The following RAB27B variants were observed in gnomAD, a reference collection of about 807,000 sequenced individuals.
The protein encoded by RAB27B is ras-related protein Rab-27B.
RAB27B carries 15 observed loss-of-function variants against 24.6 expected under a neutral mutation model. That is an observed-to-expected ratio of 0.61 (90% confidence interval 0.41 to 0.94). The LOEUF (loss-of-function observed/expected upper bound fraction) is 0.94, where lower values mean the gene tolerates loss of function less well. Among genes scored for constraint, RAB27B ranks in the 40% least tolerant of loss-of-function variants. The pLI is 0.00. For synonymous variants in RAB27B, 105 were observed against 92.5 expected (o/e 1.14, Z -0.78); for missense variants, 261 against 266.8 (o/e 0.98, Z 0.15).
intron 2 of RAB27B, among the ~76,000 whole-genome samples, chr18:54,771,190 A>G (rs914271517): frequency 8.5e-5 from 13 of 152,220 alleles, no homozygotes; most frequent in African/African-American, 2.4e-4. Context: ...AGGCACTGAA[A>G]GAAGAGTCAT....
At chr18:54,797,739 G>A (rs1231823004) in intron 2 of RAB27B, among the ~76,000 whole-genome samples, 2 of 152,118 alleles carry the variant, frequency 1.3e-5, no homozygotes, top group South Asian at 2.1e-4. Flanking sequence ...CAATAGACTC[G>A]TCTCGGGAGT....
rs73960613 is a variant in RAB27B at position 54,768,297 on chromosome 18, T to C, written c.-20+50156T>C. Among the ~76,000 whole-genome samples, 336 of 152,252 alleles carry C rather than the reference T, an allele frequency of 2.2e-3. 1 individual carries two copies. The highest frequency in any genetic ancestry group is 7.9e-3 in the African/African-American group (329 of 41,558). ...AAGGTGTTTGTAAAATGTAGCGATA[T>C]GTGGCTTGTGGCTGGAAGCAGCAAT... On this transcript the variant is annotated intron_variant, in intron 2 of 4. Coordinates refer to the RAB27B transcript ENST00000586570.
intron 2 of RAB27B, among the ~76,000 whole-genome samples, chr18:54,738,093 C>T (rs775769190): frequency 6.6e-6 from 1 of 152,100 alleles, no homozygotes; most frequent in Non-Finnish European, 1.5e-5. Flanking sequence ...GAGAGAAGAG[C>T]CTACGTATTA....
intron 2 of RAB27B, among the ~76,000 whole-genome samples, chr18:54,756,420 C>T (rs1380581102): frequency 2.0e-5 from 3 of 152,146 alleles, no homozygotes; most frequent in Admixed American, 6.5e-5. Context: ...ACTATAGGTT[C>T]GATTCTTCCT....
chr18:54,819,588 GTTTATTTATTT>G lies in RAB27B; in HGVS notation c.-19-57960_-19-57950del, dbSNP rs200600697. 5.3e-3 allele frequency among the ~76,000 whole-genome samples: 791 copies of G among 149,528 alleles called. 8 individuals are homozygous for G. The highest frequency in any genetic ancestry group is 0.018 in the African/African-American group (742 of 40,900). On this transcript the variant is annotated intron_variant, in intron 2 of 4. Coordinates refer to the RAB27B transcript ENST00000586570. ...AGATCATGTTCCACATAATTATAAG[GTTTATTTATTT>G]TTTATTTATTTTTTATTTTTATTAT...
chr18:54,889,997 C>A lies in RAB27B; in HGVS notation c.*584C>A, dbSNP rs1419669414. ...AGGTTACAAATAGGTAAATGTCACA[C>A]TTCTGTTAAAATGCAGGAGGTAGTG... On this transcript the variant is annotated 3_prime_UTR_variant, in exon 6 of 6. Coordinates refer to ENST00000262094, the MANE Select transcript of RAB27B (RefSeq NM_004163.4). 1 of 152,100 alleles carries A rather than the reference C, an allele frequency of 6.6e-6. No homozygotes were observed. 9.4% of individuals were successfully genotyped at this position (152,100 alleles called of 1,614,324 possible). A position where few individuals can be genotyped will look rare whatever the true frequency, so the allele number is the denominator to read the frequency against.
At chr18:54,781,388 G>A (rs900069207) in intron 2 of RAB27B, among the ~76,000 whole-genome samples, 8 of 151,786 alleles carry the variant, frequency 5.3e-5, no homozygotes, top group African/African-American at 1.7e-4. Flanking sequence ...TTTCATTCTC[G>A]GCAGGCCCCT....
At chr18:54,795,094 G>T (rs1196363734) in intron 2 of RAB27B, among the ~76,000 whole-genome samples, 1 of 152,146 alleles carries the variant, frequency 6.6e-6, no homozygotes, top group Non-Finnish European at 1.5e-5. Flanking sequence ...GCTTTAGAGT[G>T]ATTTTTTAAA....
intron 1 of RAB27B, among the ~76,000 whole-genome samples, chr18:54,860,242 G>A (rs892998749): frequency 2.0e-5 from 3 of 152,132 alleles, no homozygotes; most frequent in Admixed American, 6.5e-5. Context: ...TTTTCCTGTA[G>A]TTGGTAAATG....
At chr18:54,758,417 A>T (rs986494564) in intron 2 of RAB27B, among the ~76,000 whole-genome samples, 2 of 152,206 alleles carry the variant, frequency 1.3e-5, no homozygotes, top group African/African-American at 4.8e-5. Flanking sequence ...TTAAACTAGC[A>T]TCCAAATAAA....
At chr18:54,750,722 G>A (rs2145031228) in intron 2 of RAB27B, among the ~76,000 whole-genome samples, 1 of 152,236 alleles carries the variant, frequency 6.6e-6, no homozygotes, top group East Asian at 1.9e-4. Flanking sequence ...AGGTTATAGA[G>A]AAGAATGATT....
At chr18:54,840,926 A>G (rs1911082985) in intron 1 of RAB27B, among the ~76,000 whole-genome samples, 2 of 152,078 alleles carry the variant, frequency 1.3e-5, no homozygotes, top group African/African-American at 4.8e-5. Flanking sequence ...AGGCAGGCGG[A>G]TCATGAGGTC....
At chr18:54,718,986 G>C (rs1909277253) in intron 2 of RAB27B, among the ~76,000 whole-genome samples, 1 of 152,182 alleles carries the variant, frequency 6.6e-6, no homozygotes, top group Non-Finnish European at 1.5e-5. Context: ...TAATAGGCAA[G>C]TGTATTCATA....
chr18:54,844,802 G>A (rs2145206910), intron 1 of RAB27B, among the ~76,000 whole-genome samples: 1 of 152,190 alleles, frequency 6.6e-6, no homozygotes, highest in Admixed American at 6.5e-5. Flanking sequence ...TGCTTCTTTT[G>A]TCCTACAAAT....
At chr18:54,806,789 A>G (rs1909804667) in intron 2 of RAB27B, among the ~76,000 whole-genome samples, 1 of 152,178 alleles carries the variant, frequency 6.6e-6, no homozygotes, top group Non-Finnish European at 1.5e-5. Context: ...AAAAAATTGA[A>G]GAATTATATC....
intron 2 of RAB27B, among the ~76,000 whole-genome samples, chr18:54,779,207 C>G (rs906783329): frequency 6.6e-6 from 1 of 152,090 alleles, no homozygotes; most frequent in Non-Finnish European, 1.5e-5. Context: ...TTTTAAATAG[C>G]GGTTATTTCT....
At position 54,759,937 on chromosome 18, in the gene RAB27B, C is replaced by T. The variant is rs531873325; in HGVS notation, c.-20+41796C>T. Among the ~76,000 whole-genome samples, 4 of 152,296 alleles carry T rather than the reference C, an allele frequency of 2.6e-5. No individual in the cohort carries two copies. The East Asian group carries it at 5.8e-4, about 22-fold the overall frequency. On this transcript the variant is annotated intron_variant, in intron 2 of 4. Coordinates refer to the RAB27B transcript ENST00000586570. The stretch of plus-strand genomic sequence containing the variant: ...CTTTCATTGGCAATAAAATCCTCTG[C>T]ATTTACCATCTTCAATTTGTTCCTG...
chr18:54,818,841 T>G (rs1910202849), intron 2 of RAB27B, among the ~76,000 whole-genome samples: 1 of 152,196 alleles, frequency 6.6e-6, no homozygotes, highest in Non-Finnish European at 1.5e-5. Context: ...TTTTTTAAAA[T>G]AAATTCTCAT....
chr18:54,844,973 T>C (rs1911272064), intron 1 of RAB27B, among the ~76,000 whole-genome samples: 1 of 152,198 alleles, frequency 6.6e-6, no homozygotes, highest in African/African-American at 2.4e-5. Flanking sequence ...GACATCAGGT[T>C]TCCTTTAGAA....
Sources: gnomAD v4.1 joint callset for allele counts (sites outside exome capture counted in the v4.1 genomes callset) on GRCh38, gnomAD v4.1.1 for gene constraint, MANE v1.5 for transcripts, NCBI Gene and HGNC (gene_info 2026-07-23, HGNC 2026-07-21) for gene names.